TG: variants seen among roughly 807,000 people sequenced by gnomAD.
TG encodes thyroglobulin.
A neutral mutation model predicts 324.7 loss-of-function variants in TG; 270 were observed. The observed-to-expected ratio is 0.83, with a 90% CI of 0.75 to 0.92. The LOEUF is 0.92. Among genes scored for constraint, TG ranks in the 40% least tolerant of loss-of-function variants. TG has a pLI of 0.00. For missense variants in TG, 3,591 were observed against 3,456.4 expected (o/e 1.04, Z -0.98); for synonymous variants, 1,401 against 1,327.0 (o/e 1.06, Z -1.21).
chr8:132,870,270 GTTAAC>G (rs1839362079), intron 3 of TG, among the ~76,000 whole-genome samples: 1 of 151,348 alleles, frequency 6.6e-6, no homozygotes, highest in Admixed American at 6.6e-5. Context: ...TAAAACAATG[GTTAAC>G]TTAAGCCAAC....
At chr8:132,966,766 C>G in intron 30 of TG, 69 bp downstream of exon 30, 2 of 1,606,928 alleles carry the variant, frequency 1.2e-6, no homozygotes, top group Non-Finnish European at 1.7e-6. Context: ...CCAAGTCTGG[C>G]AACTCCTGAG....
At chr8:132,885,208 G>A (rs1017498369) in intron 8 of TG, among the ~76,000 whole-genome samples, 2 of 151,910 alleles carry the variant, frequency 1.3e-5, no homozygotes, top group African/African-American at 4.8e-5. Flanking sequence ...ATCCACCTAT[G>A]TAACTGAGAC....
At chr8:133,020,316 C>A (rs1344234099) in intron 39 of TG, among the ~76,000 whole-genome samples, 1 of 152,204 alleles carries the variant, frequency 6.6e-6, no homozygotes, top group East Asian at 1.9e-4. Context: ...TCCAGATGGG[C>A]AGTACCTGGC....
At chr8:132,991,580 AC>A (rs765985920) in intron 35 of TG, among the ~76,000 whole-genome samples, 3 of 152,158 alleles carry the variant, frequency 2.0e-5, no homozygotes, top group African/African-American at 4.8e-5. Flanking sequence ...CATGGTGCAT[AC>A]CCTGTCACTA....
At chr8:132,879,741 C>A (rs1362205908) in intron 5 of TG, among the ~76,000 whole-genome samples, 1 of 152,028 alleles carries the variant, frequency 6.6e-6, no homozygotes, top group South Asian at 2.1e-4. Context: ...CTCCAATGTG[C>A]GGGAAGCAGG....
At chr8:132,989,914 T>C (rs2130756053) in intron 35 of TG, among the ~76,000 whole-genome samples, 1 of 152,214 alleles carries the variant, frequency 6.6e-6, no homozygotes, top group East Asian at 1.9e-4. Context: ...TCACAGCCTC[T>C]TGATGCCCCT....
At position 132,889,036 on chromosome 8, in the gene TG, C is replaced by A. The variant is rs59491684; in HGVS notation, c.2761+468C>A. 5.9e-5 allele frequency among the ~76,000 whole-genome samples: 9 copies of A among 152,284 alleles called. No homozygotes were observed. In the East Asian group the frequency reaches 1.7e-3, roughly 29 times the overall value. ...TAAATATGCAGGCCTCAGGAGAGTGCCACCTGAAGTGGCTTTAATTGATTT... is the reference window on the plus strand; with the variant it reads ...TAAATATGCAGGCCTCAGGAGAGTGACACCTGAAGTGGCTTTAATTGATTT... On this transcript the variant is annotated intron_variant, in intron 10 of 47. Transcript: ENST00000220616.
intron 41 of TG, chr8:133,047,862 G>T: frequency 6.2e-7 from 1 of 1,610,704 alleles, no homozygotes; most frequent in Non-Finnish European, 8.5e-7. Context: ...GATCATGAAG[G>T]AGCCGACCTT....
At chr8:132,883,052 C>T (rs749802434) in intron 8 of TG, 53 bp downstream of exon 8, 35 of 1,583,170 alleles carry the variant, frequency 2.2e-5, no homozygotes, top group Middle Eastern at 4.3e-4. Flanking sequence ...ATTACTTTGG[C>T]GGTCCTCCAG....
chr8:132,998,093 G>A (rs1833052557), intron 35 of TG, among the ~76,000 whole-genome samples: 1 of 152,152 alleles, frequency 6.6e-6, no homozygotes. Context: ...GAAGGGGTGA[G>A]GAAGAATGAG....
At chr8:133,133,404 T>G in intron 46 of TG, 66 bp from the exon 47 acceptor site, 1 of 1,491,516 alleles carries the variant, frequency 6.7e-7, no homozygotes. Flanking sequence ...AAGTGGGAAG[T>G]GATTCAGGTG....
chr8:132,994,744 C>A, intron 35 of TG: 5 of 1,288,402 alleles, frequency 3.9e-6, no homozygotes, highest in South Asian at 2.5e-5. Context: ...TGAGAGGGAC[C>A]CAGCTGAAGA....
intron 10 of TG, among the ~76,000 whole-genome samples, chr8:132,892,804 G>A (rs968870013): frequency 6.7e-6 from 1 of 149,292 alleles, no homozygotes; most frequent in Non-Finnish European, 1.5e-5. Flanking sequence ...TGAGTGTGGT[G>A]TGTGTGTTTA....
intron 10 of TG, among the ~76,000 whole-genome samples, chr8:132,890,359 T>G (rs78839640): frequency 1.3e-5 from 2 of 151,684 alleles, no homozygotes; most frequent in African/African-American, 4.8e-5. Context: ...TTGGGGGGGG[T>G]GCATATTCAA....
chr8:132,911,250 C>T, intron 18 of TG, 127 bp from the exon 19 acceptor site: 1 of 1,551,126 alleles, frequency 6.4e-7, no homozygotes, highest in Non-Finnish European at 8.8e-7. Context: ...TTCCTTGACC[C>T]CCTGAAGTAG....
chr8:132,878,069 T>C (rs998277585), intron 5 of TG, among the ~76,000 whole-genome samples: 1 of 152,086 alleles, frequency 6.6e-6, no homozygotes, highest in African/African-American at 2.4e-5. Context: ...CTAACAAATG[T>C]GAGGGGCTGC....
intron 34 of TG, among the ~76,000 whole-genome samples, chr8:132,972,960 C>T (rs944129984): frequency 2.2e-4 from 34 of 152,230 alleles, no homozygotes; most frequent in African/African-American, 4.1e-4. Flanking sequence ...TCAGTAAAGA[C>T]GGAAATGGAC....
chr8:133,006,151 C>T (rs1314804300), intron 35 of TG, among the ~76,000 whole-genome samples: 1 of 152,178 alleles, frequency 6.6e-6, no homozygotes, highest in Non-Finnish European at 1.5e-5. Flanking sequence ...TAGAGTTTCT[C>T]AGAGTAGTTA....
chr8:133,038,957 A>C (rs1837619277), intron 41 of TG, among the ~76,000 whole-genome samples: 1 of 152,160 alleles, frequency 6.6e-6, no homozygotes, highest in Non-Finnish European at 1.5e-5. Flanking sequence ...TGCTCACTGC[A>C]ACCTCTGCCT....
Sources: allele counts gnomAD v4.1 joint callset (sites outside exome capture counted in the v4.1 genomes callset), GRCh38; gene constraint gnomAD v4.1.1; transcripts MANE v1.5; gene names NCBI Gene and HGNC (gene_info 2026-07-23, HGNC 2026-07-21).